RAD51B: variants seen among roughly 807,000 people sequenced by gnomAD.
RAD51B encodes DNA repair protein RAD51 homolog 2.
In RAD51B, 38 loss-of-function variants were observed where a neutral mutation model predicts 42.2. The ratio of observed to expected loss-of-function variants is 0.90; its 90% CI spans 0.70 to 1.18. The LOEUF (loss-of-function observed/expected upper bound fraction) is 1.18, where lower values mean the gene tolerates loss of function less well. Among genes scored for constraint, RAD51B ranks in the 50% most tolerant of loss-of-function variants. RAD51B has a pLI of 0.00. For synonymous variants in RAD51B, 154 were observed against 145.2 expected (o/e 1.06, Z -0.43); for missense variants, 373 against 400.7 (o/e 0.93, Z 0.59).
At chr14:68,219,048 G>A (rs1282250475) in intron 7 of RAD51B, among the ~76,000 whole-genome samples, 2 of 152,172 alleles carry the variant, frequency 1.3e-5, no homozygotes, top group East Asian at 1.9e-4. Context: ...GGGAAAACCT[G>A]CAAAATACTG....
chr14:68,485,141 C>T (rs981914284), intron 10 of RAD51B, among the ~76,000 whole-genome samples: 5 of 152,152 alleles, frequency 3.3e-5, no homozygotes, highest in Non-Finnish European at 1.5e-5. Flanking sequence ...TGTGAGAGGG[C>T]AAGACAGTGA....
At chr14:68,133,104 A>G (rs1301191440) in intron 7 of RAD51B, among the ~76,000 whole-genome samples, 2 of 152,238 alleles carry the variant, frequency 1.3e-5, no homozygotes, top group Non-Finnish European at 2.9e-5. Context: ...AATTGCATGT[A>G]TTCAAAGGTT....
At chr14:68,247,992 G>T (rs2080535947) in intron 7 of RAD51B, among the ~76,000 whole-genome samples, 1 of 152,220 alleles carries the variant, frequency 6.6e-6, no homozygotes, top group South Asian at 2.1e-4. Flanking sequence ...GGAAGAATGT[G>T]TGTGTAAGTG....
intron 8 of RAD51B, among the ~76,000 whole-genome samples, chr14:68,310,775 G>A (rs535234910): frequency 6.6e-6 from 1 of 152,226 alleles, no homozygotes; most frequent in African/African-American, 2.4e-5. Flanking sequence ...AACCTGGGAG[G>A]CAGAGGTTTC....
intron 7 of RAD51B, among the ~76,000 whole-genome samples, chr14:68,222,396 G>A (rs2079947474): frequency 6.6e-6 from 1 of 152,204 alleles, no homozygotes; most frequent in Admixed American, 6.5e-5. Flanking sequence ...TGAAATTGGA[G>A]ACTATTATTC....
In RAD51B at chr14:68,682,010, C is replaced by T. The variant is rs78919083; in HGVS notation, c.*11+31154C>T. Among the ~76,000 whole-genome samples, 368 of 152,138 alleles carry T rather than the reference C, an allele frequency of 2.4e-3. 7 individuals carry two copies. The South Asian group carries it at 0.038, about 16-fold the overall frequency. On this transcript the variant is annotated intron_variant, in intron 11 of 11. Transcript: ENST00000488612. ...AATCGCAGAAATCACCACTGAAGAA[C>T]TTATCCATGTAACCAAAAACCACTC...
At chr14:68,060,460 A>G (rs1270064498) in intron 7 of RAD51B, among the ~76,000 whole-genome samples, 1 of 152,206 alleles carries the variant, frequency 6.6e-6, no homozygotes, top group Non-Finnish European at 1.5e-5. Context: ...TGTTATAGGA[A>G]TAACTTTGAA....
chr14:68,046,958 CTTTTTGT>C (rs1566603554), intron 7 of RAD51B, among the ~76,000 whole-genome samples: 2 of 148,906 alleles, frequency 1.3e-5, no homozygotes, highest in African/African-American at 2.5e-5. Flanking sequence ...TTGTTTTTTG[CTTTTTGT>C]TTTTTTTTTT....
intron 7 of RAD51B, among the ~76,000 whole-genome samples, chr14:67,945,752 T>A (rs1042552187): frequency 6.6e-6 from 1 of 152,156 alleles, no homozygotes. Context: ...ATTACAGGCA[T>A]GAGCTACCAT....
intron 7 of RAD51B, among the ~76,000 whole-genome samples, chr14:67,917,028 C>T (rs2044173184): frequency 6.6e-6 from 1 of 152,148 alleles, no homozygotes; most frequent in South Asian, 2.1e-4. Context: ...GGGTTGGCAT[C>T]GTTGAGCCAG....
chr14:68,521,726 G>A (rs762061243), intron 10 of RAD51B, among the ~76,000 whole-genome samples: 8 of 152,190 alleles, frequency 5.3e-5, no homozygotes, highest in Non-Finnish European at 1.0e-4. Context: ...TGTTCCTGCA[G>A]CAGCTTCTTT....
intron 10 of RAD51B, among the ~76,000 whole-genome samples, chr14:68,632,513 G>T (rs1439262990): frequency 1.3e-5 from 2 of 152,196 alleles, no homozygotes; most frequent in Non-Finnish European, 2.9e-5. Context: ...AGGGTCCTGG[G>T]GATGGAGGCC....
intron 8 of RAD51B, among the ~76,000 whole-genome samples, chr14:68,302,258 CAG>C (rs1022064126): frequency 1.3e-4 from 20 of 152,156 alleles, no homozygotes; most frequent in African/African-American, 2.2e-4. Flanking sequence ...AGCTCACAAT[CAG>C]GGGAGGGGAA....
chr14:68,587,868 A>G (rs1457459454), intron 10 of RAD51B, among the ~76,000 whole-genome samples: 1 of 152,240 alleles, frequency 6.6e-6, no homozygotes, highest in Non-Finnish European at 1.5e-5. Context: ...GGAAAGCTGC[A>G]CTGAAGAGGC....
chr14:68,315,912 A>G (rs2082052425), intron 8 of RAD51B, among the ~76,000 whole-genome samples: 1 of 152,208 alleles, frequency 6.6e-6, no homozygotes, highest in Non-Finnish European at 1.5e-5. Flanking sequence ...AGAAATGTGA[A>G]TATTAACTAG....
chr14:67,966,073 G>T (rs1335699989), intron 7 of RAD51B, among the ~76,000 whole-genome samples: 1 of 152,186 alleles, frequency 6.6e-6, no homozygotes, highest in Non-Finnish European at 1.5e-5. Flanking sequence ...ATAGCTAAAG[G>T]ATAGAGGGAA....
intron 10 of RAD51B, among the ~76,000 whole-genome samples, chr14:68,588,020 C>T (rs1234089792): frequency 6.6e-6 from 1 of 152,202 alleles, no homozygotes; most frequent in Non-Finnish European, 1.5e-5. Flanking sequence ...ATCTCAGGCC[C>T]TACTGAATCA....
At chr14:68,189,747 A>G (rs986207284) in intron 7 of RAD51B, among the ~76,000 whole-genome samples, 3 of 151,854 alleles carry the variant, frequency 2.0e-5, no homozygotes, top group Admixed American at 6.6e-5. Flanking sequence ...GCTCACTACA[A>G]CCTCTGCCTC....
At chr14:68,510,006 G>T (rs146969079) in intron 10 of RAD51B, among the ~76,000 whole-genome samples, 224 of 152,272 alleles carry the variant, frequency 1.5e-3, no homozygotes, top group African/African-American at 5.1e-3. Context: ...ACAGGACCAG[G>T]TTCTGTGTTC....
Sources: allele counts gnomAD v4.1 joint callset (sites outside exome capture counted in the v4.1 genomes callset), GRCh38; gene constraint gnomAD v4.1.1; transcripts MANE v1.5; gene names NCBI Gene and HGNC (gene_info 2026-07-23, HGNC 2026-07-21).